XPO4: variants seen among roughly 807,000 people sequenced by gnomAD.
XPO4 encodes the protein exportin 4.
A neutral mutation model predicts 143.0 loss-of-function variants in XPO4; 39 were observed. That is an observed-to-expected ratio of 0.27 (90% CI 0.21 to 0.36). The LOEUF is 0.36. Ranked by LOEUF, XPO4 falls within the 10% of genes least tolerant of loss-of-function variation. The pLI, the probability that XPO4 is intolerant of heterozygous loss-of-function variation, is 1.00. For synonymous variants in XPO4, 439 were observed against 474.0 expected (o/e 0.93, Z 0.96); for missense variants, 907 against 1,348.0 (o/e 0.67, Z 5.12).
intron 7 of XPO4, among the ~76,000 whole-genome samples, chr13:20,822,812 T>C (rs1015899629): frequency 3.3e-5 from 5 of 152,222 alleles, no homozygotes; most frequent in African/African-American, 1.2e-4. Flanking sequence ...TAATTCTCAG[T>C]TTGCTTACAA....
chr13:20,813,204 G>A (rs1325472262), intron 9 of XPO4, among the ~76,000 whole-genome samples: 2 of 152,080 alleles, frequency 1.3e-5, no homozygotes, highest in African/African-American at 4.8e-5. Flanking sequence ...CCAGGTCCCC[G>A]CCCCTGGCAC....
At chr13:20,858,935 T>C (rs1475877385) in intron 3 of XPO4, among the ~76,000 whole-genome samples, 1 of 147,570 alleles carries the variant, frequency 6.8e-6, no homozygotes, top group African/African-American at 2.5e-5. Context: ...TATATATATA[T>C]ATATATATAT....
At chr13:20,845,336 G>A (rs1034965395) in intron 4 of XPO4, among the ~76,000 whole-genome samples, 8 of 152,266 alleles carry the variant, frequency 5.3e-5, no homozygotes, top group African/African-American at 1.9e-4. Flanking sequence ...ATTCTCTAGC[G>A]AATCTAGGGG....
At chr13:20,817,223 T>C (rs1421610941) in intron 9 of XPO4, among the ~76,000 whole-genome samples, 1 of 152,206 alleles carries the variant, frequency 6.6e-6, no homozygotes, top group Non-Finnish European at 1.5e-5. Flanking sequence ...GCTCCCCACT[T>C]CTCAATCTGT....
rs1189182069 is a variant in XPO4 at position 20,843,945 on chromosome 13, A to G, written c.457-59T>C. The G allele has an allele frequency of 7.0e-6, 9 of 1,283,300 alleles. No individual in the cohort carries two copies. In the East Asian group the frequency reaches 1.6e-4, roughly 23 times the overall value. 79.5% of individuals were successfully genotyped at this position (1,283,300 alleles called of 1,614,324 possible). ...ATTACTGTTTCAACGCTTTGTTTCA[A>G]TGCATTTGTTCAAACATAATAGAAC... On this transcript the variant is annotated intron_variant, in intron 4 of 22. Transcript: ENST00000255305.
In XPO4 at chr13:20,868,597, C is replaced by A; in HGVS notation, c.174G>T (p.Leu58Phe). 6.2e-7 allele frequency: 1 copy of A among 1,611,418 alleles called. No homozygotes were observed. Among genetic ancestry groups the A allele is most frequent in the South Asian group, 1.1e-5 (1 of 90,754 alleles). ...TATATTTTTTAAGTGAATACTTACCCAAAATATGCTTGCAAACTGCAAATG... is the reference window on the plus strand; with the variant it reads ...TATATTTTTTAAGTGAATACTTACCAAAAATATGCTTGCAAACTGCAAATG... ...KSPFAVCKHI[L>F]ETSKVDYVLF... The change falls in exon 2 of 23, where the codon TTG (leucine) becomes TTT (phenylalanine). Residue 58 changes from leucine to phenylalanine, a missense_variant and splice_region_variant. Transcript: ENST00000255305.
chr13:20,800,467 C>T, intron 14 of XPO4, 142 bp from the exon 15 acceptor site: 2 of 769,080 alleles, frequency 2.6e-6, no homozygotes, highest in East Asian at 2.7e-5. Flanking sequence ...TACTCATTTC[C>T]ACTGGTCAAA....
chr13:20,892,137 A>G (rs759995329), intron 1 of XPO4, among the ~76,000 whole-genome samples: 6 of 151,972 alleles, frequency 3.9e-5, no homozygotes, highest in Non-Finnish European at 5.9e-5. Flanking sequence ...TCTCACTGCA[A>G]GTGCAGTGGC....
chr13:20,800,009 T>C (rs2059411450), intron 15 of XPO4, 147 bp downstream of exon 15: 1 of 857,336 alleles, frequency 1.2e-6, no homozygotes, highest in Admixed American at 3.2e-5. Context: ...ACATAGTTTT[T>C]AAAACCCATT....
At chr13:20,799,102 G>C in intron 16 of XPO4, 63 bp downstream of exon 16, 1 of 1,412,280 alleles carries the variant, frequency 7.1e-7, no homozygotes, top group Non-Finnish European at 9.5e-7. Flanking sequence ...TTACGGCAAC[G>C]CATAGATAAA....
At chr13:20,899,347 A>T (rs1410408348) in intron 1 of XPO4, among the ~76,000 whole-genome samples, 1 of 136,334 alleles carries the variant, frequency 7.3e-6, no homozygotes, top group Non-Finnish European at 1.6e-5. Flanking sequence ...TAAAAAAAGT[A>T]AAAAAAAAAA....
intron 4 of XPO4, chr13:20,849,504 C>G: frequency 2.0e-6 from 2 of 985,224 alleles, no homozygotes; most frequent in Middle Eastern, 5.2e-4. Context: ...TGCTACTTTC[C>G]TAGGAAGGCA....
At chr13:20,783,990 G>C (rs2059170471) in intron 22 of XPO4, 71 bp from the exon 23 acceptor site, 1 of 1,475,640 alleles carries the variant, frequency 6.8e-7, no homozygotes, top group African/African-American at 1.4e-5. Flanking sequence ...ATCAGTTACT[G>C]GACTGTGGGG....
rs1249976586 is a variant in XPO4, at chr13:20,799,062, T to C, written c.2322+103A>G. The C allele has an allele frequency of 9.2e-6, 10 of 1,088,048 alleles. No individual in the cohort carries two copies. In the East Asian group the frequency reaches 2.2e-4, roughly 24 times the overall value. 67.4% of individuals were successfully genotyped at this position (1,088,048 alleles called of 1,614,324 possible). A position where few individuals can be genotyped will look rare whatever the true frequency, so the allele number is the denominator to read the frequency against. On this transcript the variant is annotated intron_variant, in intron 16 of 22. Coordinates refer to ENST00000255305, the MANE Select transcript of XPO4 (RefSeq NM_022459.5). The stretch of plus-strand genomic sequence containing the variant: ...GAAAGAAAGAAAGAAAGAAAAGCTA[T>C]GACTGATACATTTATGTCTCCAGAG...
chr13:20,872,971 C>T lies in XPO4; in HGVS notation c.70-4270G>A, dbSNP rs370936890. Reference sequence around the variant, plus strand: ...AGGGGCTTTTTGAATTCCCTGTTTACGTTCTCATCATTGCCACTACAGTAA... The same window carrying T: ...AGGGGCTTTTTGAATTCCCTGTTTATGTTCTCATCATTGCCACTACAGTAA... On this transcript the variant is annotated intron_variant, in intron 1 of 22. Coordinates refer to ENST00000255305, the MANE Select transcript of XPO4 (RefSeq NM_022459.5). 8.7e-4 allele frequency among the ~76,000 whole-genome samples: 133 copies of T among 152,094 alleles called. 3 individuals carry two copies. The South Asian group carries it at 0.026, about 30-fold the overall frequency.
intron 5 of XPO4, among the ~76,000 whole-genome samples, chr13:20,843,506 T>C (rs970380812): frequency 1.3e-5 from 2 of 151,516 alleles, no homozygotes; most frequent in Non-Finnish European, 3.0e-5. Flanking sequence ...TAGTTATATC[T>C]AAACACAATA....
intron 7 of XPO4, among the ~76,000 whole-genome samples, chr13:20,825,625 G>A (rs1017302921): frequency 6.6e-6 from 1 of 152,202 alleles, no homozygotes; most frequent in Admixed American, 6.6e-5. Context: ...AGTACTGCCA[G>A]CAAGTTTTTC....
intron 9 of XPO4, among the ~76,000 whole-genome samples, chr13:20,814,313 G>C (rs1333311079): frequency 6.7e-6 from 1 of 149,104 alleles, no homozygotes; most frequent in Non-Finnish European, 1.5e-5. Context: ...TAACTAAAAA[G>C]TAAAAGTCTT....
Position 20,867,020 on chromosome 13 carries a change from G to A in XPO4, c.175+1576C>T, listed in dbSNP as rs118033136. Among the ~76,000 whole-genome samples the A allele has an allele frequency of 8.5e-5, 13 of 152,290 alleles. No individual in the cohort carries two copies. The East Asian group carries it at 1.3e-3, about 16-fold the overall frequency. On this transcript the variant is annotated intron_variant, in intron 2 of 22. Coordinates refer to ENST00000255305, the MANE Select transcript of XPO4 (RefSeq NM_022459.5). ...TTTAGGTTAATAGTTTAACACAACGGTTTTCTAAATCTATTAATGCTGAAC... is the reference window on the plus strand; with the variant it reads ...TTTAGGTTAATAGTTTAACACAACGATTTTCTAAATCTATTAATGCTGAAC...
Sources: gnomAD v4.1 joint callset for allele counts (sites outside exome capture counted in the v4.1 genomes callset) on GRCh38, gnomAD v4.1.1 for gene constraint, MANE v1.5 for transcripts, NCBI Gene and HGNC (gene_info 2026-07-23, HGNC 2026-07-21) for gene names.